The following C2orf42 variants were observed in gnomAD, a reference collection of about 807,000 sequenced individuals.
The protein encoded by C2orf42 is uncharacterized protein C2orf42.
C2orf42 carries 44 observed loss-of-function variants against 58.9 expected under a neutral mutation model. The ratio of observed to expected loss-of-function variants is 0.75; its 90% CI spans 0.59 to 0.96. C2orf42 has a LOEUF of 0.96. Among genes scored for constraint, C2orf42 ranks in the 40% least tolerant of loss-of-function variants. The probability of loss-of-function intolerance (pLI) is 0.00; values close to 1 mark genes in which losing one functional copy is unlikely to be tolerated. For missense variants in C2orf42, 630 were observed against 699.2 expected (o/e 0.90, Z 1.12); for synonymous variants, 239 against 265.4 (o/e 0.90, Z 0.97).
chr2:70,160,209 G>A (rs1261061699), intron 9 of C2orf42, among the ~76,000 whole-genome samples: 2 of 147,706 alleles, frequency 1.4e-5, no homozygotes, highest in East Asian at 2.0e-4. Flanking sequence ...GTGAGATCTC[G>A]GCTCACTGTA....
At chr2:70,158,472 C>T (rs1672842631) in intron 9 of C2orf42, among the ~76,000 whole-genome samples, 1 of 151,872 alleles carries the variant, frequency 6.6e-6, no homozygotes, top group South Asian at 2.1e-4. Flanking sequence ...GTTTTTGAGA[C>T]AGAGTCTGGC....
At chr2:70,173,377 G>A (rs529050384) in intron 5 of C2orf42, among the ~76,000 whole-genome samples, 20 of 147,728 alleles carry the variant, frequency 1.4e-4, no homozygotes, top group Non-Finnish European at 1.8e-4. Flanking sequence ...AGGTTTAAGC[G>A]ATTCTCCTGC....
At chr2:70,187,556 C>T (rs1675031929) in intron 1 of C2orf42, among the ~76,000 whole-genome samples, 1 of 151,964 alleles carries the variant, frequency 6.6e-6, no homozygotes, top group Non-Finnish European at 1.5e-5. Context: ...CCAGTCTTTT[C>T]TTTTACTTTT....
At chr2:70,183,087 C>A (rs1165670265) in intron 1 of C2orf42, among the ~76,000 whole-genome samples, 152 bp from the exon 2 acceptor site, 1 of 152,120 alleles carries the variant, frequency 6.6e-6, no homozygotes, top group Non-Finnish European at 1.5e-5. Flanking sequence ...GTGTTTTGTA[C>A]TTCCAACTGT....
chr2:70,179,843 TGGGA>T (rs1674434585), intron 3 of C2orf42, among the ~76,000 whole-genome samples: 1 of 151,522 alleles, frequency 6.6e-6, no homozygotes, highest in South Asian at 2.1e-4. Flanking sequence ...GAGGCTGAAG[TGGGA>T]GGATCACTTT....
intron 9 of C2orf42, among the ~76,000 whole-genome samples, chr2:70,151,154 C>G (rs768544069): frequency 1.3e-5 from 2 of 152,140 alleles, no homozygotes; most frequent in Non-Finnish European, 2.9e-5. Flanking sequence ...GAGTTTAAGA[C>G]CAGCCTATGC....
At chr2:70,175,943 T>C (rs1372253167) in intron 4 of C2orf42, among the ~76,000 whole-genome samples, 166 bp from the exon 5 acceptor site, 1 of 152,214 alleles carries the variant, frequency 6.6e-6, no homozygotes, top group African/African-American at 2.4e-5. Flanking sequence ...ATTTTAGCTT[T>C]CTTATGCTCT....
intron 4 of C2orf42, among the ~76,000 whole-genome samples, chr2:70,177,288 A>G (rs1455888531): frequency 2.6e-5 from 4 of 151,684 alleles, no homozygotes; most frequent in African/African-American, 9.7e-5. Context: ...AGAAAAAAAA[A>G]AAATAGCCAA....
chr2:70,173,556 C>T (rs1233457755), intron 5 of C2orf42, among the ~76,000 whole-genome samples: 2 of 152,200 alleles, frequency 1.3e-5, no homozygotes, highest in Admixed American at 6.6e-5. Context: ...GCTGGGATCA[C>T]AGGCGTGAGC....
At position 70,164,317 on chromosome 2, in the gene C2orf42, C is replaced by CA. The variant is rs1392346952; in HGVS notation, c.1353+774dup. ...ACTCTGTCCCAAAAAAACCAAAATT[C>CA]AAAAAAAAAAGACCAAAAAAAAATT... On this transcript the variant is annotated intron_variant, in intron 8 of 9. Coordinates refer to ENST00000264434, the MANE Select transcript of C2orf42 (RefSeq NM_017880.3). Among the ~76,000 whole-genome samples, 620 of 142,926 alleles carry CA rather than the reference C, an allele frequency of 4.3e-3. 7 individuals are homozygous for CA. Among genetic ancestry groups the CA allele is most frequent in the Middle Eastern group, 0.014 (4 of 278 alleles). The allele number at this position is 142,926 out of a possible 152,430, so 93.8% of individuals were successfully genotyped here.
At chr2:70,179,299 T>C (rs1041429255) in intron 4 of C2orf42, among the ~76,000 whole-genome samples, 1 of 152,038 alleles carries the variant, frequency 6.6e-6, no homozygotes, top group Non-Finnish European at 1.5e-5. Context: ...CCAGGTGTGA[T>C]AGCTCACACC....
intron 7 of C2orf42, 66 bp from the exon 8 acceptor site, chr2:70,165,258 T>A: frequency 1.1e-6 from 1 of 945,338 alleles, no homozygotes; most frequent in Non-Finnish European, 1.7e-6. Context: ...TTGTATTTGT[T>A]ACCTAGTTTC....
chr2:70,189,759 G>T (rs1276711991), intron 1 of C2orf42, among the ~76,000 whole-genome samples: 1 of 151,514 alleles, frequency 6.6e-6, no homozygotes, highest in East Asian at 1.9e-4. Context: ...GGACGTGGTG[G>T]CTCACGCCTG....
intron 1 of C2orf42, among the ~76,000 whole-genome samples, chr2:70,186,630 G>A (rs1674953291): frequency 6.6e-6 from 1 of 152,146 alleles, no homozygotes; most frequent in Admixed American, 6.6e-5. Context: ...TATAAATCAT[G>A]CTACTATAAA....
Position 70,186,869 on chromosome 2 carries a change from C to T in C2orf42, c.-281-3934G>A, listed in dbSNP as rs1388173108. Reference sequence around the variant, plus strand: ...ATCGCAAGGACAAAAAACCAAACACCGCATGTTCTCACTCATAGATGGGAA... The same window carrying T: ...ATCGCAAGGACAAAAAACCAAACACTGCATGTTCTCACTCATAGATGGGAA... On this transcript the variant is annotated intron_variant, in intron 1 of 9. Transcript: ENST00000264434. Among the ~76,000 whole-genome samples, 17 of 151,578 alleles carry T rather than the reference C, an allele frequency of 1.1e-4. No homozygotes were observed. The East Asian group carries it at 2.7e-3, about 24-fold the overall frequency.
chr2:70,153,549 T>TG (rs1196801413), intron 9 of C2orf42, among the ~76,000 whole-genome samples: 1 of 149,990 alleles, frequency 6.7e-6, no homozygotes, highest in African/African-American at 2.4e-5. Flanking sequence ...TTAGTAGAGA[T>TG]GGGGTTTCAC....
Position 70,181,538 on chromosome 2 carries a change from T to C in C2orf42, c.448A>G (p.Thr150Ala). ...VNCQAEATPL[T>A]LKSSVLNAMQ... is the part of the protein sequence containing the mutation. The stretch of plus-strand genomic sequence containing the variant: ...GCATTCAGGACCGAGCTCTTCAGGG[T>C]CAGAGGGGTGGCCTCTGCCTGGCAG... The change falls in exon 3 of 10, where the codon ACC (threonine) becomes GCC (alanine). Residue 150 changes from threonine (T) to alanine (A), a missense_variant. Coordinates refer to ENST00000264434, the MANE Select transcript of C2orf42 (RefSeq NM_017880.3). The C allele has an allele frequency of 6.2e-7, 1 of 1,613,674 alleles. No homozygotes were observed. Among genetic ancestry groups the C allele is most frequent in the Non-Finnish European group, 8.5e-7 (1 of 1,179,974 alleles).
intron 6 of C2orf42, among the ~76,000 whole-genome samples, chr2:70,168,164 G>A (rs1418019227): frequency 1.3e-5 from 2 of 151,700 alleles, no homozygotes; most frequent in Admixed American, 1.3e-4. Flanking sequence ...AACCTGGGAG[G>A]TGGAGATTAC....
chr2:70,157,177 G>A (rs1288152231), intron 9 of C2orf42, among the ~76,000 whole-genome samples: 3 of 152,152 alleles, frequency 2.0e-5, no homozygotes, highest in Non-Finnish European at 2.9e-5. Context: ...AAATAAGGCC[G>A]GGTGCGGTGG....
Sources: gnomAD v4.1 joint callset for allele counts (sites outside exome capture counted in the v4.1 genomes callset) on GRCh38, gnomAD v4.1.1 for gene constraint, MANE v1.5 for transcripts, NCBI Gene and HGNC (gene_info 2026-07-23, HGNC 2026-07-21) for gene names.